The following METTL15 variants were observed in gnomAD, a reference collection of about 807,000 sequenced individuals.
METTL15 encodes the protein 12S rRNA N(4)-cytidine methyltransferase METTL15.
In METTL15, 34 loss-of-function variants were observed where a neutral mutation model predicts 38.3. That is an observed-to-expected ratio of 0.89 (90% CI 0.68 to 1.18). METTL15 has a LOEUF of 1.18. Ranked by LOEUF, METTL15 falls within the 50% of genes most tolerant of loss-of-function variation. The pLI is 0.00. For synonymous variants in METTL15, 162 were observed against 170.9 expected (o/e 0.95, Z 0.41); for missense variants, 438 against 498.4 (o/e 0.88, Z 1.15).
In METTL15 at chr11:28,491,918, A is replaced by C. The variant is rs1253595969; in HGVS notation, c.*425-34560A>C. On this transcript the variant is annotated intron_variant and NMD_transcript_variant, in intron 6 of 7. Coordinates refer to the METTL15 transcript ENST00000532947. ...CTCCCTTTCCCCGATAATCTACCTT[A>C]GTTTCCTTTCTTCTGTGTTCACATG... Among the ~76,000 whole-genome samples the C allele has an allele frequency of 2.0e-5, 3 of 152,214 alleles. No homozygotes were observed. In the East Asian group the frequency reaches 5.8e-4, roughly 29 times the overall value.
chr11:28,115,935 TACAC>T lies in METTL15; in HGVS notation c.270+2359_270+2362del, dbSNP rs112533269. Among the ~76,000 whole-genome samples, 438 of 142,446 alleles carry T rather than the reference TACAC, an allele frequency of 3.1e-3. 1 individual carries two copies. Among genetic ancestry groups the T allele is most frequent in the Middle Eastern group, 0.011 (3 of 282 alleles). The allele number at this position is 142,446 out of a possible 152,430, so 93.5% of individuals were successfully genotyped here. On this transcript the variant is annotated intron_variant, in intron 3 of 6. Coordinates refer to ENST00000407364, the MANE Select transcript of METTL15 (RefSeq NM_001113528.2). ...ATACACAGACACACACACATACACA[TACAC>T]ACACACACACACACACACACACACA...
intron 5 of METTL15, among the ~76,000 whole-genome samples, chr11:28,376,032 T>C (rs1292680190): frequency 1.3e-5 from 2 of 152,104 alleles, no homozygotes; most frequent in African/African-American, 2.4e-5. Context: ...GTCTGAGAGA[T>C]AGTTTGTTAT....
chr11:28,131,736 A>C (rs964460204), intron 3 of METTL15, among the ~76,000 whole-genome samples: 1 of 152,166 alleles, frequency 6.6e-6, no homozygotes, highest in African/African-American at 2.4e-5. Context: ...TAAAGTTTTA[A>C]TAGAGCCACC....
intron 5 of METTL15, among the ~76,000 whole-genome samples, chr11:28,420,587 A>G (rs1355588783): frequency 6.6e-6 from 1 of 152,150 alleles, no homozygotes; most frequent in Admixed American, 6.6e-5. Context: ...GTACAAATAC[A>G]TGGATATTAA....
intron 6 of METTL15, chr11:28,519,291 C>T (rs1851744190): frequency 6.6e-6 from 1 of 152,408 alleles, no homozygotes; most frequent in South Asian, 2.1e-4. Context: ...AGCGGTGGCT[C>T]ACGCCTGTAA....
In METTL15 at chr11:28,444,680, A is replaced by ATGT. The variant is rs538952216; in HGVS notation, c.*424+20319_*424+20321dup. Among the ~76,000 whole-genome samples the ATGT allele has an allele frequency of 2.2e-3, 340 of 152,314 alleles. 4 individuals carry two copies. Among genetic ancestry groups the ATGT allele is most frequent in the Admixed American group, 0.02 (310 of 15,302 alleles). ...GGATAATAAAAGCTGCCTTGCAGAA[A>ATGT]TGTTGCAAAGATTAAGTGAGATAAT... On this transcript the variant is annotated intron_variant and NMD_transcript_variant, in intron 6 of 7. Transcript: ENST00000532947.
At chr11:28,434,847 C>G (rs1034510308) in intron 6 of METTL15, among the ~76,000 whole-genome samples, 34 of 151,598 alleles carry the variant, frequency 2.2e-4, no homozygotes, top group African/African-American at 8.3e-4. Flanking sequence ...CAACTTGGCT[C>G]TCTTCTATGT....
rs1328350803 is a variant in METTL15 at position 28,187,944 on chromosome 11, A to G, written c.271-23118A>G. On this transcript the variant is annotated intron_variant, in intron 3 of 6. Transcript: ENST00000407364. ...TGATATGAAAAGGTCTTTGGAGATT[A>G]TAGTGCTTGAGAATATATTATTTAA... Among the ~76,000 whole-genome samples, 3 of 151,436 alleles carry G rather than the reference A, an allele frequency of 2.0e-5. No individual in the cohort carries two copies. In the East Asian group the frequency reaches 5.8e-4, roughly 29 times the overall value.
chr11:28,391,412 C>G (rs1850506188), intron 5 of METTL15, among the ~76,000 whole-genome samples: 1 of 152,008 alleles, frequency 6.6e-6, no homozygotes, highest in South Asian at 2.1e-4. Flanking sequence ...CCATCAATAC[C>G]TATTTTATTG....
At position 28,316,655 on chromosome 11, in the gene METTL15, A is replaced by G. The variant is rs535028543; in HGVS notation, c.779-13741A>G. The stretch of plus-strand genomic sequence containing the variant: ...GGTTTGGCTCTGTGTCCCCACCCAA[A>G]TCTCATTTAATAACTCACATAATTC... On this transcript the variant is annotated intron_variant, in intron 6 of 6. Coordinates refer to ENST00000407364, the MANE Select transcript of METTL15 (RefSeq NM_001113528.2). Among the ~76,000 whole-genome samples, 4 of 152,166 alleles carry G rather than the reference A, an allele frequency of 2.6e-5. No homozygotes were observed. The South Asian group carries it at 8.3e-4, about 32-fold the overall frequency.
At chr11:28,163,953 A>T (rs1225874299) in intron 3 of METTL15, 1 of 151,948 alleles carries the variant, frequency 6.6e-6, no homozygotes, top group African/African-American at 2.4e-5. Context: ...CCAAGCCAAA[A>T]TTTTTTCTTA....
intron 6 of METTL15, among the ~76,000 whole-genome samples, chr11:28,303,784 T>C (rs1361431243): frequency 2.7e-5 from 4 of 150,690 alleles, no homozygotes; most frequent in African/African-American, 9.7e-5. Flanking sequence ...GAGGATAAAC[T>C]GTACTTTTTC....
chr11:28,470,572 A>G (rs1851295496), intron 6 of METTL15, among the ~76,000 whole-genome samples: 1 of 152,180 alleles, frequency 6.6e-6, no homozygotes, highest in African/African-American at 2.4e-5. Context: ...TGGCAGAGCA[A>G]TAAGATAAAT....
At chr11:28,530,529 GA>G (rs1851838601), downstream of METTL15, among the ~76,000 whole-genome samples, 1 of 152,150 alleles carries the variant, frequency 6.6e-6, no homozygotes, top group Non-Finnish European at 1.5e-5. Flanking sequence ...TTCCAAAAAA[GA>G]AAGCCCTGCT....
intron 4 of METTL15, among the ~76,000 whole-genome samples, chr11:28,285,133 A>C (rs1447632065): frequency 1.3e-5 from 2 of 152,054 alleles, no homozygotes; most frequent in African/African-American, 4.8e-5. Context: ...TTTGCCTTCC[A>C]CCATGATTAT....
chr11:28,214,376 T>A (rs1481408869), intron 4 of METTL15, among the ~76,000 whole-genome samples: 2 of 152,184 alleles, frequency 1.3e-5, no homozygotes, highest in Admixed American at 6.5e-5. Context: ...AGGAAAAAGG[T>A]CTAAGTTTGC....
At chr11:28,284,190 T>G (rs1171041003) in intron 4 of METTL15, among the ~76,000 whole-genome samples, 1 of 152,206 alleles carries the variant, frequency 6.6e-6, no homozygotes, top group Non-Finnish European at 1.5e-5. Flanking sequence ...ATTTATTTTG[T>G]GGTGGTGCAT....
At chr11:28,385,417 GT>G in intron 5 of METTL15, among the ~76,000 whole-genome samples, 1 of 152,064 alleles carries the variant, frequency 6.6e-6, no homozygotes, top group Middle Eastern at 3.4e-3. Context: ...TCCACTGCTT[GT>G]TTTTTTCAGC....
chr11:28,366,105 G>T (rs1006044530), intron 5 of METTL15, among the ~76,000 whole-genome samples: 1 of 152,010 alleles, frequency 6.6e-6, no homozygotes, highest in Non-Finnish European at 1.5e-5. Flanking sequence ...AGCACAGTGA[G>T]TTAATTTCAG....
Sources: allele counts gnomAD v4.1 joint callset (sites outside exome capture counted in the v4.1 genomes callset), GRCh38; gene constraint gnomAD v4.1.1; transcripts MANE v1.5; gene names NCBI Gene and HGNC (gene_info 2026-07-23, HGNC 2026-07-21).